Variants in ASTN2 observed in about 807,000 individuals in gnomAD.
The protein encoded by ASTN2 is astrotactin 2.
In ASTN2, 54 loss-of-function variants were observed where a neutral mutation model predicts 139.8. That is an observed-to-expected ratio of 0.39 (90% CI 0.31 to 0.48). ASTN2 has a LOEUF of 0.48. Among genes scored for constraint, ASTN2 ranks in the 20% least tolerant of loss-of-function variants. ASTN2 has a pLI of 0.95. For missense variants in ASTN2, 1,565 were observed against 1,725.1 expected (o/e 0.91, Z 1.64); for synonymous variants, 756 against 719.5 (o/e 1.05, Z -0.81).
At chr9:116,924,383 T>C (rs1834696714) in intron 10 of ASTN2, among the ~76,000 whole-genome samples, 1 of 147,000 alleles carries the variant, frequency 6.8e-6, no homozygotes, top group South Asian at 2.2e-4. Flanking sequence ...TGAGTAGAGA[T>C]TGCACCACTG....
intron 19 of ASTN2, among the ~76,000 whole-genome samples, chr9:116,507,478 A>G (rs1401483573): frequency 1.3e-5 from 2 of 152,218 alleles, no homozygotes; most frequent in African/African-American, 4.8e-5. Context: ...ATGGCAGTCA[A>G]CACTCCATCA....
At chr9:116,586,569 T>A (rs929843410) in intron 19 of ASTN2, among the ~76,000 whole-genome samples, 2 of 152,104 alleles carry the variant, frequency 1.3e-5, no homozygotes, top group African/African-American at 4.8e-5. Flanking sequence ...GTGTTCTCAC[T>A]TATAAGTGGG....
At chr9:116,735,569 T>A (rs979947361) in intron 13 of ASTN2, among the ~76,000 whole-genome samples, 3 of 152,196 alleles carry the variant, frequency 2.0e-5, no homozygotes, top group African/African-American at 7.2e-5. Flanking sequence ...CAGAGACAGA[T>A]TGATGTTTCC....
chr9:116,768,866 C>T (rs928055805), intron 13 of ASTN2, among the ~76,000 whole-genome samples: 1 of 152,152 alleles, frequency 6.6e-6, no homozygotes, highest in Non-Finnish European at 1.5e-5. Flanking sequence ...TGTATGGGAG[C>T]ACAAATGAAT....
chr9:117,086,484 G>T (rs913491022), intron 5 of ASTN2, among the ~76,000 whole-genome samples: 1 of 152,180 alleles, frequency 6.6e-6, no homozygotes. Flanking sequence ...TGAGGCAGGA[G>T]AATCGCTTGA....
chr9:117,299,846 G>GGGTTAGT (rs1834832593), intron 1 of ASTN2, among the ~76,000 whole-genome samples: 1 of 152,174 alleles, frequency 6.6e-6, no homozygotes, highest in Admixed American at 6.5e-5. Flanking sequence ...TAAACAGCCT[G>GGGTTAGT]GGTTAGTGAA....
At chr9:117,314,660 A>G (rs1828080551) in intron 1 of ASTN2, among the ~76,000 whole-genome samples, 1 of 146,122 alleles carries the variant, frequency 6.8e-6, no homozygotes, top group Non-Finnish European at 1.5e-5. Context: ...AAATATGTAT[A>G]ATTATATATG....
intron 11 of ASTN2, among the ~76,000 whole-genome samples, chr9:116,851,086 G>C (rs949229815): frequency 3.6e-4 from 55 of 152,250 alleles, no homozygotes; most frequent in African/African-American, 1.3e-3. Flanking sequence ...TTCAACTGTG[G>C]GTTGTCTAAT....
chr9:117,208,004 A>G (rs183930207), intron 3 of ASTN2, among the ~76,000 whole-genome samples: 10 of 152,350 alleles, frequency 6.6e-5, no homozygotes, highest in Admixed American at 1.3e-4. Context: ...AGTTATACAA[A>G]TAAGTCTTTC....
At chr9:117,413,358 C>G (rs1461183578) in intron 1 of ASTN2, among the ~76,000 whole-genome samples, 10 of 152,192 alleles carry the variant, frequency 6.6e-5, no homozygotes, top group African/African-American at 1.7e-4. Context: ...CGGATCCCGC[C>G]GAGGAAAAGA....
chr9:117,390,256 C>G (rs1482809637), intron 1 of ASTN2, among the ~76,000 whole-genome samples: 1 of 152,114 alleles, frequency 6.6e-6, no homozygotes, highest in African/African-American at 2.4e-5. Flanking sequence ...AATATCCTAA[C>G]TCTCCCCTCC....
intron 16 of ASTN2, among the ~76,000 whole-genome samples, chr9:116,652,668 G>T (rs1857984289): frequency 1.3e-5 from 2 of 152,134 alleles, no homozygotes; most frequent in African/African-American, 4.8e-5. Flanking sequence ...GAGAAATGGG[G>T]TTAATAATAC....
intron 16 of ASTN2, among the ~76,000 whole-genome samples, chr9:116,670,056 T>G (rs1203550994): frequency 2.0e-5 from 3 of 152,120 alleles, no homozygotes; most frequent in East Asian, 3.9e-4. Flanking sequence ...CCACCCGCCT[T>G]GGCCTCCCAA....
rs115247696 is a variant in ASTN2 at position 117,158,767 on chromosome 9, A to T, written c.1016-17289T>A. Among the ~76,000 whole-genome samples the T allele has an allele frequency of 4.1e-3, 625 of 152,070 alleles. 3 individuals carry two copies. Among genetic ancestry groups the T allele is most frequent in the African/African-American group, 0.014 (584 of 41,516 alleles). On this transcript the variant is annotated intron_variant, in intron 3 of 22. Coordinates refer to ENST00000313400, the MANE Select transcript of ASTN2 (RefSeq NM_001365068.1). ...CTGAACTTGAAACTTTGGTAAACAA[A>T]ATTTATGCAAATATTTACACTGTCC...
intron 19 of ASTN2, among the ~76,000 whole-genome samples, chr9:116,499,338 C>T (rs770664836): frequency 6.6e-6 from 1 of 152,048 alleles, no homozygotes; most frequent in Non-Finnish European, 1.5e-5. Flanking sequence ...GGGATGATGC[C>T]GGAGAGGTAC....
chr9:117,120,700 C>T (rs908376788), intron 4 of ASTN2, among the ~76,000 whole-genome samples: 1 of 152,178 alleles, frequency 6.6e-6, no homozygotes, highest in Non-Finnish European at 1.5e-5. Context: ...TTTCTTTGGA[C>T]TCTGTGTTAA....
intron 3 of ASTN2, among the ~76,000 whole-genome samples, chr9:117,179,881 C>A (rs1362546190): frequency 6.6e-6 from 1 of 152,178 alleles, no homozygotes; most frequent in Admixed American, 6.5e-5. Flanking sequence ...TTCCTTACCT[C>A]AGACATTACC....
chr9:117,054,346 A>G (rs1372455928), intron 5 of ASTN2, among the ~76,000 whole-genome samples: 1 of 152,182 alleles, frequency 6.6e-6, no homozygotes, highest in Non-Finnish European at 1.5e-5. Context: ...CCTGGAGCAA[A>G]TCCCTTCCCC....
intron 20 of ASTN2, among the ~76,000 whole-genome samples, chr9:116,452,633 G>T (rs756145121): frequency 3.3e-5 from 5 of 152,200 alleles, no homozygotes; most frequent in Non-Finnish European, 7.3e-5. Flanking sequence ...TTACAAGGAG[G>T]CAAGTGAGCC....
Sources: gnomAD v4.1 joint callset for allele counts (sites outside exome capture counted in the v4.1 genomes callset) on GRCh38, gnomAD v4.1.1 for gene constraint, MANE v1.5 for transcripts, NCBI Gene and HGNC (gene_info 2026-07-23, HGNC 2026-07-21) for gene names.